Variants in ADAMTS3 observed in about 807,000 individuals in gnomAD.
The protein encoded by ADAMTS3 is ADAM metallopeptidase with thrombospondin type 1 motif 3, also known as A disintegrin and metalloproteinase with thrombospondin motifs 3.
ADAMTS3 carries 73 observed loss-of-function variants against 129.0 expected under a neutral mutation model. That is an observed-to-expected ratio of 0.57 (90% CI 0.47 to 0.69). The LOEUF is 0.69. Ranked by LOEUF, ADAMTS3 falls within the 30% of genes least tolerant of loss-of-function variation. The probability of loss-of-function intolerance (pLI) is 0.00; values close to 1 mark genes in which losing one functional copy is unlikely to be tolerated. For synonymous variants in ADAMTS3, 477 were observed against 510.8 expected (o/e 0.93, Z 0.89); for missense variants, 1,457 against 1,514.5 (o/e 0.96, Z 0.63).
At chr4:72,476,235 C>A (rs1367954095) in intron 3 of ADAMTS3, among the ~76,000 whole-genome samples, 3 of 151,780 alleles carry the variant, frequency 2.0e-5, no homozygotes, top group Non-Finnish European at 4.4e-5. Flanking sequence ...TCTAGCAAGA[C>A]TGACAAAGAA....
chr4:72,383,077 G>A (rs1721337414), intron 4 of ADAMTS3, among the ~76,000 whole-genome samples: 1 of 151,054 alleles, frequency 6.6e-6, no homozygotes, highest in African/African-American at 2.4e-5. Context: ...TGAATAGAAA[G>A]ATTCTCCTGT....
At chr4:72,389,806 CA>C (rs1721542466) in intron 4 of ADAMTS3, among the ~76,000 whole-genome samples, 1 of 152,176 alleles carries the variant, frequency 6.6e-6, no homozygotes, top group Admixed American at 6.5e-5. Flanking sequence ...ACCAGTCAAT[CA>C]ATCAATCACA....
intron 3 of ADAMTS3, among the ~76,000 whole-genome samples, chr4:72,516,240 C>A (rs1332020030): frequency 6.6e-6 from 1 of 152,108 alleles, no homozygotes; most frequent in Non-Finnish European, 1.5e-5. Flanking sequence ...GTTACTGTGG[C>A]CTTGTAGTAT....
At chr4:72,294,915 A>G (rs1309532846) in intron 19 of ADAMTS3, among the ~76,000 whole-genome samples, 2 of 152,032 alleles carry the variant, frequency 1.3e-5, no homozygotes, top group Admixed American at 1.3e-4. Flanking sequence ...CTAGGATGAA[A>G]GCTGGTAAAA....
At chr4:72,541,783 C>A (rs1245887094) in intron 3 of ADAMTS3, among the ~76,000 whole-genome samples, 1 of 152,178 alleles carries the variant, frequency 6.6e-6, no homozygotes, top group East Asian at 1.9e-4. Context: ...TTGCCTTCCA[C>A]CACGATTGTG....
chr4:72,411,986 C>T lies in ADAMTS3; in HGVS notation c.661+2829G>A, dbSNP rs914952379. On this transcript the variant is annotated intron_variant, in intron 4 of 21. Transcript: ENST00000286657. Reference sequence around the variant, plus strand: ...ATAACACTTGCAACAAACTACAGAACTCAAATGAATGGCAGTTCTGAGGAA... The same window carrying T: ...ATAACACTTGCAACAAACTACAGAATTCAAATGAATGGCAGTTCTGAGGAA... 3.3e-5 allele frequency among the ~76,000 whole-genome samples: 5 copies of T among 152,210 alleles called. 1 individual carries two copies. Among genetic ancestry groups the T allele is most frequent in the Admixed American group, 3.3e-4 (5 of 15,260 alleles).
chr4:72,313,555 G>A lies in ADAMTS3; in HGVS notation c.1745+122C>T, dbSNP rs112402845. 3.9e-5 allele frequency: 41 copies of A among 1,045,742 alleles called. No homozygotes were observed. In the African/African-American group the frequency reaches 5.4e-4, roughly 14 times the overall value. The allele number at this position is 1,045,742 out of a possible 1,614,324, so 64.8% of individuals were successfully genotyped here. ...AAACACAGACTGGTTTATGAACTGT[G>A]AACAATTTATTTTCCTGCCCTGTGT... On this transcript the variant is annotated intron_variant, in intron 12 of 21. Transcript: ENST00000286657.
intron 3 of ADAMTS3, among the ~76,000 whole-genome samples, chr4:72,416,051 C>T (rs1320156456): frequency 6.6e-6 from 1 of 151,620 alleles, no homozygotes; most frequent in Non-Finnish European, 1.5e-5. Flanking sequence ...GTAACACAGA[C>T]AAGGGAGGAG....
chr4:72,378,052 A>C (rs1043485114), intron 4 of ADAMTS3, among the ~76,000 whole-genome samples: 1 of 152,186 alleles, frequency 6.6e-6, no homozygotes, highest in African/African-American at 2.4e-5. Context: ...TTGGCAAAAA[A>C]TACTCTTCCT....
intron 21 of ADAMTS3, among the ~76,000 whole-genome samples, chr4:72,286,108 T>C (rs936697102): frequency 2.0e-5 from 3 of 152,244 alleles, no homozygotes; most frequent in Non-Finnish European, 4.4e-5. Flanking sequence ...AGCTATCTTA[T>C]TAGCTCCCTG....
At chr4:72,291,237 G>T (rs1448388454) in intron 19 of ADAMTS3, among the ~76,000 whole-genome samples, 175 bp from the exon 20 acceptor site, 1 of 151,926 alleles carries the variant, frequency 6.6e-6, no homozygotes, top group Non-Finnish European at 1.5e-5. Flanking sequence ...TTTAACAATA[G>T]TAGGCTGAAA....
intron 18 of ADAMTS3, 96 bp downstream of exon 18, chr4:72,298,181 G>C: frequency 1.0e-6 from 1 of 961,542 alleles, no homozygotes; most frequent in Non-Finnish European, 1.5e-6. Context: ...GTGTTTCTCA[G>C]ATTGTGGCCT....
At chr4:72,364,261 T>TA (rs149819618) in intron 4 of ADAMTS3, among the ~76,000 whole-genome samples, 2,847 of 152,128 alleles carry the variant, frequency 0.019, 74 homozygotes, top group African/African-American at 0.064. Flanking sequence ...GGACATACAC[T>TA]AAAAAATATT....
chr4:72,400,092 C>T lies in ADAMTS3; in HGVS notation c.661+14723G>A, dbSNP rs560596067. 5.8e-3 allele frequency among the ~76,000 whole-genome samples: 190 copies of T among 32,592 alleles called. 6 individuals carry two copies. The highest frequency in any genetic ancestry group is 8.0e-3 in the Admixed American group (19 of 2,372). 21.4% of individuals were successfully genotyped at this position (32,592 alleles called of 152,430 possible). ...TATATGCACACATGGTGTGTATATA[C>T]GTGTGTATATATGCACACATGGTGT... On this transcript the variant is annotated intron_variant, in intron 4 of 21. Coordinates refer to ENST00000286657, the MANE Select transcript of ADAMTS3 (RefSeq NM_014243.3).
chr4:72,350,921 T>C (rs966617759), intron 4 of ADAMTS3, among the ~76,000 whole-genome samples: 1 of 151,976 alleles, frequency 6.6e-6, no homozygotes, highest in Admixed American at 6.6e-5. Context: ...TATCTCTGTA[T>C]GGCTCTTCTC....
chr4:72,292,110 T>G (rs1718687446), intron 19 of ADAMTS3, among the ~76,000 whole-genome samples: 1 of 152,218 alleles, frequency 6.6e-6, no homozygotes. Context: ...CAGTGAATCT[T>G]TAAAACAGAA....
chr4:72,375,391 AATG>A (rs1406251633), intron 4 of ADAMTS3, among the ~76,000 whole-genome samples: 3 of 152,186 alleles, frequency 2.0e-5, no homozygotes, highest in South Asian at 2.1e-4. Flanking sequence ...CTGGAAAGAA[AATG>A]ATGAGTAAAA....
At chr4:72,504,198 C>A (rs545865913) in intron 3 of ADAMTS3, among the ~76,000 whole-genome samples, 1 of 152,164 alleles carries the variant, frequency 6.6e-6, no homozygotes, top group African/African-American at 2.4e-5. Flanking sequence ...GGGCTATGTA[C>A]ATAAGTGTCT....
intron 3 of ADAMTS3, among the ~76,000 whole-genome samples, chr4:72,435,543 A>C (rs1465927703): frequency 1.3e-5 from 2 of 151,848 alleles, no homozygotes; most frequent in Non-Finnish European, 2.9e-5. Context: ...TGCCTACCTT[A>C]TGAATAGTTT....
Sources: gnomAD v4.1 joint callset for allele counts (sites outside exome capture counted in the v4.1 genomes callset) on GRCh38, gnomAD v4.1.1 for gene constraint, MANE v1.5 for transcripts, NCBI Gene and HGNC (gene_info 2026-07-23, HGNC 2026-07-21) for gene names.